Variants in PBRM1 observed in about 807,000 individuals in gnomAD.
PBRM1 encodes the protein protein polybromo-1.
In PBRM1, 27 loss-of-function variants were observed where a neutral mutation model predicts 194.5. That is an observed-to-expected ratio of 0.14 (90% CI 0.10 to 0.19). PBRM1 has a LOEUF of 0.19. Among genes scored for constraint, PBRM1 ranks in the 10% least tolerant of loss-of-function variants. PBRM1 has a pLI of 1.00. For synonymous variants in PBRM1, 655 were observed against 693.2 expected (o/e 0.94, Z 0.87); for missense variants, 1,466 against 2,077.2 (o/e 0.71, Z 5.72).
rs1385970377 is a variant in PBRM1 at position 52,662,322 on chromosome 3, T to C, written c.385-46A>G. ...AAAAAAAAACACTTTAGTAATGTAT[T>C]GGAAATTAGTTGCTACTTTTAAAGC... On this transcript the variant is annotated intron_variant, in intron 3 of 29. Transcript: ENST00000296302. 6 of 1,504,430 alleles carry C rather than the reference T, an allele frequency of 4.0e-6. No homozygotes were observed. The South Asian group carries it at 6.2e-5, about 16-fold the overall frequency. The allele number at this position is 1,504,430 out of a possible 1,614,324, so 93.2% of individuals were successfully genotyped here.
At chr3:52,551,338 G>C (rs1353981774) in intron 27 of PBRM1, among the ~76,000 whole-genome samples, 1 of 152,194 alleles carries the variant, frequency 6.6e-6, no homozygotes, top group Non-Finnish European at 1.5e-5. Flanking sequence ...ATCAGCAGCT[G>C]GTTCTAACTG....
chr3:52,624,892 C>A lies in PBRM1; in HGVS notation c.1541+2381G>T. 6.5e-7 allele frequency: 1 copy of A among 1,535,508 alleles called. No homozygotes were observed. Among genetic ancestry groups the A allele is most frequent in the Non-Finnish European group, 8.8e-7 (1 of 1,133,292 alleles). On this transcript the variant is annotated intron_variant, in intron 13 of 29. Coordinates refer to ENST00000296302, the Ensembl canonical transcript of PBRM1. ...AATGTTTATGCATAAAAAAGGACTG[C>A]ACACCTGGATAGCCTCCTGAGACCC... is the stretch of plus-strand genomic sequence containing the variant.
chr3:52,658,477 C>T (rs2096653110), intron 4 of PBRM1, among the ~76,000 whole-genome samples, 162 bp from the exon 6 acceptor site: 1 of 151,740 alleles, frequency 6.6e-6, no homozygotes, highest in Non-Finnish European at 1.5e-5. Flanking sequence ...TCACTGCAAC[C>T]TCCACCTCCT....
chr3:52,606,441 A>C (rs997714788), intron 16 of PBRM1, among the ~76,000 whole-genome samples: 4 of 152,234 alleles, frequency 2.6e-5, no homozygotes, highest in Admixed American at 1.3e-4. Flanking sequence ...TTAAAAGTAA[A>C]AAATTTTTGT....
chr3:52,632,576 A>C (rs1560551541), intron 11 of PBRM1, among the ~76,000 whole-genome samples: 1 of 152,170 alleles, frequency 6.6e-6, no homozygotes, highest in Non-Finnish European at 1.5e-5. Flanking sequence ...AAAAAGAAAA[A>C]AGCAAATTTG....
upstream of PBRM1, among the ~76,000 whole-genome samples, chr3:52,682,823 T>G (rs2097229263): frequency 6.6e-6 from 1 of 152,070 alleles, no homozygotes; most frequent in African/African-American, 2.4e-5. Flanking sequence ...TCCCAGCACT[T>G]TGGAAGGCCG....
intron 29 of PBRM1, among the ~76,000 whole-genome samples, chr3:52,548,919 C>T (rs1282885700): frequency 6.6e-6 from 1 of 152,074 alleles, no homozygotes; most frequent in Non-Finnish European, 1.5e-5. Flanking sequence ...AGAAACTACA[C>T]AAGTACTTTA....
chr3:52,659,855 G>A (rs978515983), intron 4 of PBRM1, among the ~76,000 whole-genome samples: 2 of 152,222 alleles, frequency 1.3e-5, no homozygotes, highest in African/African-American at 4.8e-5. Flanking sequence ...ACTTTGGGAA[G>A]GTGAAGTGGG....
At chr3:52,673,477 T>C (rs2097001217) in intron 2 of PBRM1, among the ~76,000 whole-genome samples, 1 of 150,088 alleles carries the variant, frequency 6.7e-6, no homozygotes, top group Non-Finnish European at 1.5e-5. Flanking sequence ...GAGACCTGCC[T>C]GGCCAATATG....
rs79113447 is a variant in PBRM1, at chr3:52,570,894, GT to G, written c.3691+5646del. ...GTGCCCTACACATCTTTGTTTCTTCGTTTTTTTTTTTTTTGGTAGAGTTTCC... is the reference window on the plus strand; with the variant it reads ...GTGCCCTACACATCTTTGTTTCTTCGTTTTTTTTTTTTTGGTAGAGTTTCC... On this transcript the variant is annotated intron_variant, in intron 22 of 29. Coordinates refer to ENST00000296302, the Ensembl canonical transcript of PBRM1. Among the ~76,000 whole-genome samples the G allele has an allele frequency of 1.4e-3, 186 of 137,470 alleles. 1 individual carries two copies. Among genetic ancestry groups the G allele is most frequent in the East Asian group, 7.4e-3 (35 of 4,756 alleles). 90.2% of individuals were successfully genotyped at this position (137,470 alleles called of 152,430 possible). A position where few individuals can be genotyped will look rare whatever the true frequency, so the allele number is the denominator to read the frequency against.
At chr3:52,678,847 T>A (rs569098171) in intron 1 of PBRM1, among the ~76,000 whole-genome samples, 143 of 152,330 alleles carry the variant, frequency 9.4e-4, no homozygotes, top group African/African-American at 3.3e-3. Context: ...CTAAACTATA[T>A]CAGTTCATCA....
intron 22 of PBRM1, among the ~76,000 whole-genome samples, chr3:52,571,804 T>C (rs2153607353): frequency 7.2e-6 from 1 of 138,702 alleles, no homozygotes; most frequent in Admixed American, 7.9e-5. Context: ...GGGAGGATGC[T>C]TGAGGCCAGG....
intron 20 of PBRM1, among the ~76,000 whole-genome samples, chr3:52,580,354 T>TG (rs1375943087): frequency 6.6e-6 from 1 of 152,094 alleles, no homozygotes; most frequent in Admixed American, 6.6e-5. Context: ...ACATGCTTTT[T>TG]TTGTTGTTGT....
intron 18 of PBRM1, 57 bp from the exon 21 acceptor site, chr3:52,587,567 T>C: frequency 2.3e-6 from 2 of 876,076 alleles, no homozygotes; most frequent in Non-Finnish European, 3.4e-6. Flanking sequence ...TTAACAGAAA[T>C]CACTTTTTTT....
At chr3:52,563,201 G>T in intron 24 of PBRM1, 82 bp downstream of exon 26, 2 of 937,840 alleles carry the variant, frequency 2.1e-6, no homozygotes, top group Non-Finnish European at 3.3e-6. Flanking sequence ...TGGAGGGGCT[G>T]GATGTCACTT....
rs116197959 is a variant in PBRM1, at chr3:52,611,540, A to C, written c.1925-1585T>G. 7.2e-3 allele frequency among the ~76,000 whole-genome samples: 1,099 copies of C among 152,336 alleles called. 11 individuals are homozygous for C. Among genetic ancestry groups the C allele is most frequent in the African/African-American group, 0.025 (1,036 of 41,572 alleles). ...CATAGTGGGCCAGGAGCTGTGGCTC[A>C]TGCCTGCAATACTAGTACTATGGGA... On this transcript the variant is annotated intron_variant, in intron 15 of 29. Coordinates refer to ENST00000296302, the Ensembl canonical transcript of PBRM1.
At chr3:52,677,330 GC>G (rs2097127326) in intron 2 of PBRM1, among the ~76,000 whole-genome samples, 1 of 151,220 alleles carries the variant, frequency 6.6e-6, no homozygotes, top group Admixed American at 6.6e-5. Context: ...TGCAACCTCT[GC>G]CTCCCAGGTT....
At chr3:52,624,997 G>T in intron 13 of PBRM1, 56 bp from the exon 15 acceptor site, 1 of 1,186,270 alleles carries the variant, frequency 8.4e-7, no homozygotes, top group Non-Finnish European at 1.2e-6. Context: ...AGCAACATTG[G>T]AGGGTCATGT....
intron 16 of PBRM1, among the ~76,000 whole-genome samples, chr3:52,605,850 G>A (rs546410112): frequency 1.7e-4 from 26 of 152,026 alleles, no homozygotes; most frequent in Non-Finnish European, 3.4e-4. Flanking sequence ...TGATCCGCCC[G>A]CCGTGGCCTC....
Sources: allele counts gnomAD v4.1 joint callset (sites outside exome capture counted in the v4.1 genomes callset), GRCh38; gene constraint gnomAD v4.1.1; transcripts MANE v1.5; gene names NCBI Gene and HGNC (gene_info 2026-07-23, HGNC 2026-07-21).